The following KRT86 variants were observed in gnomAD, a reference collection of about 807,000 sequenced individuals.
The protein encoded by KRT86 is keratin, type II cuticular Hb6.
Under a neutral mutation model 41.2 loss-of-function variants are expected in KRT86, and 30 were observed. The ratio of observed to expected loss-of-function variants is 0.73; its 90% CI spans 0.54 to 0.99. The LOEUF (loss-of-function observed/expected upper bound fraction) is 0.99, where lower values mean the gene tolerates loss of function less well. KRT86 is among the 50% of genes least tolerant of loss of function. The pLI is 0.00. For synonymous variants in KRT86, 238 were observed against 238.1 expected (o/e 1.00, Z 0.00); for missense variants, 561 against 571.4 (o/e 0.98, Z 0.19).
Position 52,305,332 on chromosome 12 carries a change from C to T in KRT86, c.828C>T (p.Ala276=), listed in dbSNP as rs200472524. The T allele has an allele frequency of 1.9e-5, 31 of 1,614,198 alleles. No individual in the cohort carries two copies. In the East Asian group the frequency reaches 3.1e-4, roughly 16 times the overall value. ...SRDLNMDCII[A]EIKAQYDDIV... ...ACCTGAACATGGACTGCATCATTGC[C>T]GAGATCAAGGCACAGTACGATGACA... Residue 276 remains alanine, a synonymous_variant, in exon 7 of 11, where the codon GCC becomes GCT. Transcript: ENST00000423955.
chr12:52,305,415 C>G lies in KRT86; in HGVS notation c.900+11C>G, dbSNP rs557825592. Reference sequence around the variant, plus strand: ...TGGTACCGCAGCAAGGTGAGTGGCACAGGACACCTGCCTGCTAGACATGGC... The same window carrying G: ...TGGTACCGCAGCAAGGTGAGTGGCAGAGGACACCTGCCTGCTAGACATGGC... On this transcript the variant is annotated intron_variant, in intron 7 of 10. Coordinates refer to ENST00000423955, the MANE Select transcript of KRT86 (RefSeq NM_001320198.2). 18 of 1,614,218 alleles carry G rather than the reference C, an allele frequency of 1.1e-5. No individual in the cohort carries two copies. The South Asian group carries it at 1.9e-4, about 17-fold the overall frequency.
At chr12:52,305,982 G>T (rs1284331758) in intron 8 of KRT86, 78 bp from the exon 9 acceptor site, 2 of 1,590,042 alleles carry the variant, frequency 1.3e-6, no homozygotes, top group East Asian at 2.3e-5. Context: ...CAGCTTGGTG[G>T]GGAGCATGGT....
At chr12:52,286,617 T>A in intron 2 of KRT86, 1 of 1,207,850 alleles carries the variant, frequency 8.3e-7, no homozygotes, top group Non-Finnish European at 1.2e-6. Context: ...TGGACAATTC[T>A]AGGTCCATCT....
chr12:52,288,180 A>G (rs1778139989), intron 2 of KRT86: 3 of 1,611,018 alleles, frequency 1.9e-6, no homozygotes, highest in African/African-American at 2.7e-5. Flanking sequence ...ACTTTAGTTG[A>G]GAATACAGCC....
intron 2 of KRT86, among the ~76,000 whole-genome samples, chr12:52,290,542 C>A (rs1452141268): frequency 5.6e-5 from 1 of 17,716 alleles, no homozygotes; most frequent in South Asian, 2.8e-3. Flanking sequence ...TGACCCCCCC[C>A]CCCCAACCCA....
rs1565747817 is a variant in KRT86 at position 52,302,117 on chromosome 12, C to CG, written c.206dup (p.Val70ArgfsTer87). On this transcript the variant is annotated frameshift_variant, in exon 3 of 11. Coordinates refer to ENST00000423955, the MANE Select transcript of KRT86 (RefSeq NM_001320198.2). LOFTEE classifies it high-confidence loss of function. ...GCGGACGCAGCTTCGGCTACCGCTC[C>CG]GGGGGCGTGTGCGGGCCCAGTCCCC... 6.4e-7 allele frequency: 1 copy of CG among 1,552,184 alleles called. No homozygotes were observed.
rs4761788 is a variant in KRT86 at position 52,306,077 on chromosome 12, T to G, written c.1044T>G (p.Ala348=). 1 of 1,613,966 alleles carries G rather than the reference T, an allele frequency of 6.2e-7. No homozygotes were observed. The highest frequency in any genetic ancestry group is 1.3e-5 in the African/African-American group (1 of 75,020). ...NAKCQNSKLE[A]AVAQSEQQGE... is the part of the protein sequence containing the mutation. Reference sequence around the variant, plus strand: ...CTCTTCAGAATTCCAAGCTGGAGGCTGCGGTGGCTCAGTCTGAGCAGCAGG... The same window carrying G: ...CTCTTCAGAATTCCAAGCTGGAGGCGGCGGTGGCTCAGTCTGAGCAGCAGG... The change falls in exon 9 of 11, where the codon GCT becomes GCG. Residue 348 remains alanine (A), a synonymous_variant. Transcript: ENST00000423955.
chr12:52,284,980 A>G (rs974776617), intron 2 of KRT86, among the ~76,000 whole-genome samples: 4 of 152,256 alleles, frequency 2.6e-5, no homozygotes, highest in Non-Finnish European at 5.9e-5. Context: ...GGTTGGCCAT[A>G]AGAGGCCCTG....
chr12:52,275,665 C>T (rs1158672723), intron 1 of KRT86, among the ~76,000 whole-genome samples, 156 bp from the exon 2 acceptor site: 4 of 152,174 alleles, frequency 2.6e-5, no homozygotes, highest in Non-Finnish European at 4.4e-5. Context: ...TTTCAACAAC[C>T]TTTGGAGATA....
At chr12:52,276,087 A>ACT in intron 2 of KRT86, 141 bp downstream of exon 2, 9 of 843,080 alleles carry the variant, frequency 1.1e-5, no homozygotes, top group Non-Finnish European at 1.3e-5. Flanking sequence ...ACAGCAGTGC[A>ACT]GCTGCATGCA....
At position 52,302,085 on chromosome 12, in the gene KRT86, G is replaced by C. The variant is rs369728157; in HGVS notation, c.169G>C (p.Gly57Arg). The change falls in exon 3 of 11, where the codon GGC becomes CGC. Residue 57 changes from glycine to arginine, a missense_variant. Gly to Arg is a moderately radical substitution (Grantham distance 125). Coordinates refer to ENST00000423955, the MANE Select transcript of KRT86 (RefSeq NM_001320198.2). ...SHSVCGGFRA[G>R]SCGRSFGYRS... is the part of the protein sequence containing the mutation. ...CAGCGTGTGCGGAGGCTTTCGGGCC[G>C]GCTCCTGCGGACGCAGCTTCGGCTA... 50 of 1,587,550 alleles carry C rather than the reference G, an allele frequency of 3.1e-5. No homozygotes were observed. In the East Asian group the frequency reaches 4.6e-4, roughly 15 times the overall value.
chr12:52,308,561 C>T lies in KRT86; in HGVS notation c.1437C>T (p.Cys479=). The T allele has an allele frequency of 6.3e-7, 1 of 1,599,280 alleles. No individual in the cohort carries two copies. Among genetic ancestry groups the T allele is most frequent in the Non-Finnish European group, 8.5e-7 (1 of 1,179,746 alleles). ...ACAPSARVGV[C]GGSCKRC ...CCCCCTCCGCCCGGGTTGGCGTCTG[C>T]GGCGGCAGCTGTAAGAGGTGCTAGG... is the stretch of plus-strand genomic sequence containing the variant. Residue 479 remains cysteine (C), a synonymous_variant, in exon 11 of 11, where the codon TGC becomes TGT. Transcript: ENST00000423955.
intron 2 of KRT86, among the ~76,000 whole-genome samples, chr12:52,301,034 C>G (rs1183854856): frequency 1.3e-5 from 2 of 152,002 alleles, no homozygotes; most frequent in Admixed American, 1.3e-4. Flanking sequence ...AATAAGGTGG[C>G]CTGAGGACTA....
chr12:52,301,881 C>T (rs1343514845), intron 2 of KRT86, 32 bp from the exon 3 acceptor site: 3 of 1,613,546 alleles, frequency 1.9e-6, no homozygotes, highest in African/African-American at 1.3e-5. Flanking sequence ...CGGACGTCTC[C>T]ATCCTCAGAA....
At chr12:52,301,263 G>GAA (rs1370574803) in intron 2 of KRT86, among the ~76,000 whole-genome samples, 1 of 151,566 alleles carries the variant, frequency 6.6e-6, no homozygotes, top group Non-Finnish European at 1.5e-5. Context: ...GAGAGAGAGA[G>GAA]AAAAAAACAT....
chr12:52,277,308 C>T (rs1248952606), intron 2 of KRT86, among the ~76,000 whole-genome samples: 1 of 151,892 alleles, frequency 6.6e-6, no homozygotes, highest in East Asian at 1.9e-4. Flanking sequence ...TGAAGGTAGA[C>T]AGGTGGGCAG....
Position 52,286,773 on chromosome 12 carries a change from T to C in KRT86, c.-5+10827T>C, listed in dbSNP as rs376393956. On this transcript the variant is annotated intron_variant, in intron 2 of 10. Transcript: ENST00000423955. ...AGGTAGTTAGTAAATCTGTCCACAC[T>C]GGACCCCAAATACTCACAGACATTC... is the stretch of plus-strand genomic sequence containing the variant. 8.2e-5 allele frequency: 133 copies of C among 1,613,456 alleles called. 1 individual carries two copies. The South Asian group carries it at 1.3e-3, about 16-fold the overall frequency.
chr12:52,287,231 C>G (rs142439125), intron 2 of KRT86: 50 of 1,614,122 alleles, frequency 3.1e-5, no homozygotes, highest in Non-Finnish European at 4.2e-5. Context: ...CTGCAGGGCG[C>G]CCTCCAGCTC....
chr12:52,291,441 C>G, intron 2 of KRT86: 1 of 1,612,764 alleles, frequency 6.2e-7, no homozygotes, highest in Non-Finnish European at 8.5e-7. Flanking sequence ...AAGGCGCGCC[C>G]ACCAAATCCT....
Sources: allele counts gnomAD v4.1 joint callset (sites outside exome capture counted in the v4.1 genomes callset), GRCh38; gene constraint gnomAD v4.1.1; transcripts MANE v1.5; gene names NCBI Gene and HGNC (gene_info 2026-07-23, HGNC 2026-07-21).